The following AGAP1 variants were observed in gnomAD, a reference collection of about 807,000 sequenced individuals.
The protein encoded by AGAP1 is arf-GAP with GTPase, ANK repeat and PH domain-containing protein 1.
AGAP1 carries 29 observed loss-of-function variants against 105.3 expected under a neutral mutation model. That is an observed-to-expected ratio of 0.28 (90% CI 0.21 to 0.38). AGAP1 has a LOEUF of 0.38. Ranked by LOEUF, AGAP1 falls within the 10% of genes least tolerant of loss-of-function variation. AGAP1 has a pLI of 1.00. For missense variants in AGAP1, 998 were observed against 1,165.1 expected, an observed-to-expected ratio of 0.86 and a Z score of 2.09; for synonymous variants, 509 against 485.9, an observed-to-expected ratio of 1.05 and a Z score of -0.63.
In AGAP1 at chr2:236,078,236, G is replaced by A. The variant is rs78576487; in HGVS notation, c.2114+28955G>A. Among the ~76,000 whole-genome samples the A allele has an allele frequency of 2.1e-3, 321 of 152,102 alleles. No individual in the cohort carries two copies. The highest frequency in any genetic ancestry group is 4.1e-3 in the Admixed American group (62 of 15,274). ...GTGCAGGCCGGCGTTCTGGAAACTC[G>A]GGCAGAAGTTAATGCTGCATGCTTG... On this transcript the variant is annotated intron_variant, in intron 16 of 17. Coordinates refer to ENST00000304032, the MANE Select transcript of AGAP1 (RefSeq NM_001037131.3). The surrounding 1 kb of genome is among the most constrained non-coding windows in gnomAD (Gnocchi z 5.3).
intron 8 of AGAP1, among the ~76,000 whole-genome samples, chr2:235,802,155 C>A (rs977249223): frequency 7.2e-5 from 11 of 152,110 alleles, no homozygotes; most frequent in Non-Finnish European, 1.0e-4. Context: ...CCAGAGTCAA[C>A]CCATGTTCAA....
chr2:235,654,269 G>A (rs1473411514), intron 1 of AGAP1, among the ~76,000 whole-genome samples: 10 of 152,064 alleles, frequency 6.6e-5, no homozygotes, highest in South Asian at 4.1e-4. Flanking sequence ...GTGTTTTATC[G>A]CCTGGCCTCT....
At chr2:235,765,471 T>G (rs1474144820) in intron 6 of AGAP1, among the ~76,000 whole-genome samples, 2 of 152,110 alleles carry the variant, frequency 1.3e-5, no homozygotes, top group Admixed American at 6.5e-5. Flanking sequence ...TCAGCAGCAG[T>G]CCAGCCTAAA....
Position 235,807,392 on chromosome 2 carries a change from A to T in AGAP1, c.1050+61A>T, listed in dbSNP as rs1957891818. ...GGAGATACACCTCAGGTCTTCCTGG[A>T]GATGATGCTGGCTCTCGCACCAAGG... On this transcript the variant is annotated intron_variant, in intron 9 of 17. Coordinates refer to ENST00000304032, the MANE Select transcript of AGAP1 (RefSeq NM_001037131.3). The T allele has an allele frequency of 5.4e-6, 8 of 1,468,804 alleles. No individual in the cohort carries two copies. Among genetic ancestry groups the T allele is most frequent in the Non-Finnish European group, 7.4e-6 (8 of 1,087,700 alleles). The allele number at this position is 1,468,804 out of a possible 1,614,324, so 91.0% of individuals were successfully genotyped here. A position where few individuals can be genotyped will look rare whatever the true frequency, so the allele number is the denominator to read the frequency against.
chr2:235,736,801 A>G lies in AGAP1; in HGVS notation c.311-4162A>G, dbSNP rs1022916880. Among the ~76,000 whole-genome samples the G allele has an allele frequency of 3.3e-5, 5 of 152,168 alleles. No individual in the cohort carries two copies. Among genetic ancestry groups the G allele is most frequent in the Non-Finnish European group, 7.4e-5 (5 of 68,024 alleles). The stretch of plus-strand genomic sequence containing the variant: ...GGCTGCAGTGAGTCATGTCCGTGCC[A>G]CCGCACTCCAGCCTAGGCAACAGAG... On this transcript the variant is annotated intron_variant, in intron 3 of 17. Coordinates refer to ENST00000304032, the MANE Select transcript of AGAP1 (RefSeq NM_001037131.3). This position sits in a 1 kb window ranked among gnomAD's most constrained non-coding sequence, Gnocchi z 5.5.
intron 13 of AGAP1, among the ~76,000 whole-genome samples, chr2:235,972,509 A>G (rs541278654): frequency 8.6e-5 from 13 of 151,412 alleles, no homozygotes; most frequent in Non-Finnish European, 1.3e-4. Context: ...CCGGGGTGTA[A>G]CGGGGTGAGG....
In AGAP1 at chr2:235,631,062, C is replaced by T. The variant is rs972195248; in HGVS notation, c.164-78117C>T. Among the ~76,000 whole-genome samples the T allele has an allele frequency of 1.3e-5, 2 of 152,112 alleles. No homozygotes were observed. The highest frequency in any genetic ancestry group is 2.4e-5 in the African/African-American group (1 of 41,430). On this transcript the variant is annotated intron_variant, in intron 1 of 17. Coordinates refer to ENST00000304032, the MANE Select transcript of AGAP1 (RefSeq NM_001037131.3). The surrounding 1 kb of genome is among the most constrained non-coding windows in gnomAD (Gnocchi z 5.4). ...CCTGTCAAAAATATTTTGACAGGGC[C>T]CACAGTCTAGCTCCTTCATATGCAA...
At chr2:236,079,797 C>G (rs987708987) in intron 16 of AGAP1, among the ~76,000 whole-genome samples, 1 of 152,072 alleles carries the variant, frequency 6.6e-6, no homozygotes, top group African/African-American at 2.4e-5. Flanking sequence ...AGAGGACCCC[C>G]CAATATGCTA....
intron 6 of AGAP1, among the ~76,000 whole-genome samples, chr2:235,771,659 C>T (rs370383880): frequency 2.6e-5 from 4 of 152,266 alleles, no homozygotes; most frequent in East Asian, 3.9e-4. Flanking sequence ...TGTGTGACTC[C>T]GGCCGTTGTG....
chr2:235,908,901 A>G lies in AGAP1; in HGVS notation c.1319A>G (p.Asn440Ser), dbSNP rs761233367. ...ATGAGCAGTTTACACATCTCACCCA[A>G]TTCAGGTAAGCTTACAGCAAATGCA... ...KDMSSLHISP[N>S]SGNVTSASGS... The change falls in exon 11 of 18, where the codon AAT becomes AGT. Residue 440 changes from asparagine to serine, a missense_variant. Asn to Ser is a conservative substitution (Grantham distance 46). Transcript: ENST00000304032. This position sits in a 1 kb window ranked among gnomAD's most constrained non-coding sequence, Gnocchi z 4.4. The G allele has an allele frequency of 6.8e-6, 11 of 1,610,268 alleles. No homozygotes were observed. The highest frequency in any genetic ancestry group is 3.3e-4 in the Middle Eastern group (2 of 6,066).
intron 6 of AGAP1, among the ~76,000 whole-genome samples, chr2:235,764,670 G>A (rs34087713): frequency 0.17 from 19,507 of 111,712 alleles, 747 homozygotes; most frequent in Admixed American, 0.23. Flanking sequence ...CGCCCGTGGG[G>A]TGGGGGCATC....
intron 7 of AGAP1, among the ~76,000 whole-genome samples, chr2:235,798,180 G>A (rs975158632): frequency 6.6e-6 from 1 of 152,068 alleles, no homozygotes. Context: ...ACCCTTCTCT[G>A]GTCTTGGTCC....
chr2:236,059,096 G>A (rs538251934), intron 16 of AGAP1, among the ~76,000 whole-genome samples: 2 of 152,124 alleles, frequency 1.3e-5, no homozygotes, highest in South Asian at 4.2e-4. Context: ...GGAGGCTGAG[G>A]CTGGAGGATT....
intron 1 of AGAP1, among the ~76,000 whole-genome samples, chr2:235,684,129 C>G (rs1291547731): frequency 6.6e-6 from 1 of 152,156 alleles, no homozygotes; most frequent in Non-Finnish European, 1.5e-5. Flanking sequence ...GCAAGCTCCG[C>G]TTCCCGGGTT....
chr2:235,594,884 T>G (rs369657364), intron 1 of AGAP1, among the ~76,000 whole-genome samples: 1 of 26,294 alleles, frequency 3.8e-5, no homozygotes, highest in Non-Finnish European at 8.7e-5. Context: ...CAGATTGCTG[T>G]TTTTTTTTTT....
intron 1 of AGAP1, among the ~76,000 whole-genome samples, chr2:235,643,753 G>A (rs1947281445): frequency 6.6e-6 from 1 of 152,018 alleles, no homozygotes; most frequent in Non-Finnish European, 1.5e-5. Flanking sequence ...TGAATAGGAA[G>A]CCAGAAACTG....
At chr2:236,064,355 C>T (rs972972591) in intron 16 of AGAP1, among the ~76,000 whole-genome samples, 1 of 152,066 alleles carries the variant, frequency 6.6e-6, no homozygotes, top group African/African-American at 2.4e-5. Flanking sequence ...TTTGGGGAGG[C>T]CGAGGTGGGT....
In AGAP1 at chr2:235,970,254, G is replaced by A. The variant is rs1320598893; in HGVS notation, c.1645+1631G>A. On this transcript the variant is annotated intron_variant, in intron 13 of 17. Transcript: ENST00000304032. This position sits in a 1 kb window ranked among gnomAD's most constrained non-coding sequence, Gnocchi z 5.4. ...GACGATTTTTCTCATGTTGTGGGGA[G>A]TGAGGATAATCCCATTAAGTCAGCG... is the stretch of plus-strand genomic sequence containing the variant. Among the ~76,000 whole-genome samples, 2 of 151,186 alleles carry A rather than the reference G, an allele frequency of 1.3e-5. No individual in the cohort carries two copies. The highest frequency in any genetic ancestry group is 2.9e-5 in the Non-Finnish European group (2 of 67,866).
Position 235,747,123 on chromosome 2 carries a change from C to T in AGAP1, c.538+2284C>T, listed in dbSNP as rs978590985. Among the ~76,000 whole-genome samples, 3 of 152,070 alleles carry T rather than the reference C, an allele frequency of 2.0e-5. No homozygotes were observed. Among genetic ancestry groups the T allele is most frequent in the African/African-American group, 7.2e-5 (3 of 41,418 alleles). On this transcript the variant is annotated intron_variant, in intron 5 of 17. Transcript: ENST00000304032. The surrounding 1 kb of genome is among the most constrained non-coding windows in gnomAD (Gnocchi z 5.0). ...TTGTTCCTCATATTTCAATCTGCGA[C>T]CAGTGTTCCAGGGTCCTGCCTGGAA...
Sources: allele counts gnomAD v4.1 joint callset (sites outside exome capture counted in the v4.1 genomes callset), GRCh38; gene constraint gnomAD v4.1.1; non-coding constraint Gnocchi (gnomAD v3.1); transcripts MANE v1.5; gene names NCBI Gene and HGNC (gene_info 2026-07-23, HGNC 2026-07-21).